The following RAPGEF4 variants were observed in gnomAD, a reference collection of about 807,000 sequenced individuals.
RAPGEF4 encodes Rap guanine nucleotide exchange factor 4, also known as RAP guanine-nucleotide-exchange factor (GEF) 4.
Under a neutral mutation model 147.9 loss-of-function variants are expected in RAPGEF4, and 66 were observed. That is an observed-to-expected ratio of 0.45 (90% CI 0.37 to 0.55). The LOEUF (loss-of-function observed/expected upper bound fraction) is 0.55. RAPGEF4 is among the 20% of genes least tolerant of loss of function. The pLI is 0.00. For missense variants in RAPGEF4, 1,071 were observed against 1,257.3 expected (o/e 0.85, Z 2.24); for synonymous variants, 419 against 442.7 (o/e 0.95, Z 0.67).
chr2:172,755,250 T>A (rs1426892180), intron 1 of RAPGEF4, among the ~76,000 whole-genome samples: 1 of 152,172 alleles, frequency 6.6e-6, no homozygotes, highest in African/African-American at 2.4e-5. Flanking sequence ...CATCTAACAT[T>A]AATCCCTTTA....
chr2:172,993,718 G>T (rs1693052453), intron 15 of RAPGEF4, among the ~76,000 whole-genome samples: 1 of 152,184 alleles, frequency 6.6e-6, no homozygotes, highest in Non-Finnish European at 1.5e-5. Context: ...AGAACCCCAA[G>T]AACCCAGAGG....
At chr2:173,001,754 G>A (rs768671010) in intron 17 of RAPGEF4, among the ~76,000 whole-genome samples, 4 of 152,050 alleles carry the variant, frequency 2.6e-5, no homozygotes, top group Middle Eastern at 3.4e-3. Flanking sequence ...GAGCAGGAGC[G>A]AGGTGGGGGA....
intron 10 of RAPGEF4, among the ~76,000 whole-genome samples, chr2:172,974,486 C>A (rs1429967216): frequency 2.0e-5 from 3 of 152,122 alleles, no homozygotes; most frequent in African/African-American, 7.2e-5. Context: ...GAGTTCAAGA[C>A]CAGCCCGGGC....
chr2:173,044,738 C>T (rs189639301), intron 29 of RAPGEF4, among the ~76,000 whole-genome samples: 1 of 152,274 alleles, frequency 6.6e-6, no homozygotes, highest in East Asian at 1.9e-4. Context: ...TACACGGATC[C>T]GGAGCGCCTT....
intron 6 of RAPGEF4, among the ~76,000 whole-genome samples, chr2:172,931,602 G>A (rs972856986): frequency 2.0e-5 from 3 of 152,164 alleles, no homozygotes; most frequent in African/African-American, 7.2e-5. Context: ...AACAAAGTGA[G>A]GAAGCCACAC....
At chr2:172,994,660 G>T (rs1161611435) in intron 15 of RAPGEF4, among the ~76,000 whole-genome samples, 2 of 152,184 alleles carry the variant, frequency 1.3e-5, no homozygotes, top group African/African-American at 4.8e-5. Context: ...AGCTCATCTG[G>T]TGAGTGCTAT....
chr2:172,786,706 C>T (rs529127500), intron 1 of RAPGEF4, among the ~76,000 whole-genome samples: 3 of 152,046 alleles, frequency 2.0e-5, no homozygotes, highest in Non-Finnish European at 4.4e-5. Context: ...GAGACCTTAT[C>T]TCTACAAAAA....
At chr2:172,862,031 G>T (rs182012004) in intron 4 of RAPGEF4, among the ~76,000 whole-genome samples, 25 of 152,308 alleles carry the variant, frequency 1.6e-4, no homozygotes, top group Admixed American at 3.9e-4. Flanking sequence ...GCCAAATGAG[G>T]TATTGATTAG....
At chr2:172,928,943 G>A (rs2150080514) in intron 6 of RAPGEF4, among the ~76,000 whole-genome samples, 1 of 152,282 alleles carries the variant, frequency 6.6e-6, no homozygotes, top group East Asian at 1.9e-4. Flanking sequence ...AGGGAGGAGT[G>A]TGATGTCATG....
At chr2:172,933,996 C>T (rs114662262) in intron 6 of RAPGEF4, among the ~76,000 whole-genome samples, 337 of 152,172 alleles carry the variant, frequency 2.2e-3, no homozygotes, top group Admixed American at 2.7e-3. Flanking sequence ...ATTCTTTTTA[C>T]AGTTTCTTAC....
chr2:172,946,413 C>T (rs1411558284), intron 6 of RAPGEF4, among the ~76,000 whole-genome samples: 2 of 152,096 alleles, frequency 1.3e-5, no homozygotes, highest in Non-Finnish European at 2.9e-5. Context: ...TGAGTATATG[C>T]CTTTACTACA....
At chr2:172,796,662 C>G (rs974101528) in intron 2 of RAPGEF4, among the ~76,000 whole-genome samples, 2 of 152,106 alleles carry the variant, frequency 1.3e-5, no homozygotes, top group Non-Finnish European at 1.5e-5. Flanking sequence ...GCTAGGACTA[C>G]AGGCATATGC....
intron 6 of RAPGEF4, among the ~76,000 whole-genome samples, chr2:172,944,036 G>A (rs1008719521): frequency 1.3e-5 from 2 of 152,124 alleles, no homozygotes; most frequent in African/African-American, 4.8e-5. Context: ...TTTTACTTAT[G>A]AAATTTTAAA....
rs768051572 is a variant in RAPGEF4 at position 173,016,303 on chromosome 2, C to T, written c.1810-46C>T. On this transcript the variant is annotated intron_variant, in intron 18 of 30. Coordinates refer to ENST00000397081, the MANE Select transcript of RAPGEF4 (RefSeq NM_007023.4). ...TTATTGCTCTTGACAGAATCATGTG[C>T]CTTTTGCAGTTCTTGTTAAAAGCCT... The T allele has an allele frequency of 3.0e-6, 4 of 1,326,656 alleles. No homozygotes were observed. In the East Asian group the frequency reaches 6.9e-5, roughly 23 times the overall value. The allele number at this position is 1,326,656 out of a possible 1,614,324, so 82.2% of individuals were successfully genotyped here.
chr2:172,807,561 C>T (rs557091689), intron 3 of RAPGEF4, among the ~76,000 whole-genome samples: 34 of 152,328 alleles, frequency 2.2e-4, no homozygotes, highest in African/African-American at 7.5e-4. Flanking sequence ...AATTTTATTA[C>T]TTAAGATGAC....
intron 1 of RAPGEF4, among the ~76,000 whole-genome samples, chr2:172,786,992 C>T (rs1685274792): frequency 6.6e-6 from 1 of 152,056 alleles, no homozygotes; most frequent in Non-Finnish European, 1.5e-5. Flanking sequence ...GGTGGATCAC[C>T]TGAGGTCAGG....
At chr2:172,737,566 G>A (rs1693913768) in intron 1 of RAPGEF4, among the ~76,000 whole-genome samples, 2 of 152,098 alleles carry the variant, frequency 1.3e-5, no homozygotes, top group Admixed American at 6.5e-5. Context: ...CAAAATCATA[G>A]AGCAATACTA....
intron 6 of RAPGEF4, among the ~76,000 whole-genome samples, chr2:172,923,330 G>A (rs1031385473): frequency 2.0e-5 from 3 of 152,120 alleles, no homozygotes; most frequent in Non-Finnish European, 4.4e-5. Context: ...GTGCAGTGGT[G>A]CAATCTCAGC....
chr2:172,999,328 T>C (rs532957186), intron 16 of RAPGEF4, among the ~76,000 whole-genome samples: 31 of 152,180 alleles, frequency 2.0e-4, no homozygotes, highest in Non-Finnish European at 2.9e-4. Context: ...AATACAAATG[T>C]GCCTCCCTCC....
Sources: allele counts gnomAD v4.1 joint callset (sites outside exome capture counted in the v4.1 genomes callset), GRCh38; gene constraint gnomAD v4.1.1; transcripts MANE v1.5; gene names NCBI Gene and HGNC (gene_info 2026-07-23, HGNC 2026-07-21).